Variants in SNX6 observed in about 807,000 individuals in gnomAD.
SNX6 encodes sorting nexin-6.
In SNX6, 34 loss-of-function variants were observed where a neutral mutation model predicts 63.0. The ratio of observed to expected loss-of-function variants is 0.54; its 90% CI spans 0.41 to 0.72. The LOEUF is 0.72. SNX6 is among the 30% of genes least tolerant of loss of function. SNX6 has a pLI of 0.00. For synonymous variants in SNX6, 170 were observed against 164.2 expected (o/e 1.04, Z -0.27); for missense variants, 398 against 471.4 (o/e 0.84, Z 1.44).
At position 34,586,324 on chromosome 14, in the gene SNX6, G is replaced by C. The variant is rs777585307; in HGVS notation, c.719-19C>G. On this transcript the variant is annotated intron_variant, in intron 8 of 13. Transcript: ENST00000362031. ...GCAGCACCTATGGAGAAAGTTTTAA[G>C]AATTTAGTATACCTATTCATAGATT... 1.3e-6 allele frequency: 2 copies of C among 1,505,436 alleles called. No homozygotes were observed. Among genetic ancestry groups the C allele is most frequent in the East Asian group, 2.3e-5 (1 of 44,294 alleles). 93.3% of individuals were successfully genotyped at this position (1,505,436 alleles called of 1,614,324 possible).
chr14:34,617,704 G>A (rs1052465123), intron 2 of SNX6, among the ~76,000 whole-genome samples: 2 of 150,888 alleles, frequency 1.3e-5, no homozygotes, highest in Non-Finnish European at 2.9e-5. Context: ...GGCGGATCAC[G>A]AGGTCAGGGG....
chr14:34,578,908 C>T (rs1156973819), intron 10 of SNX6, among the ~76,000 whole-genome samples: 2 of 115,766 alleles, frequency 1.7e-5, no homozygotes, highest in Non-Finnish European at 3.4e-5. Context: ...CACTGCACTC[C>T]AGCCTGGCGA....
At chr14:34,611,748 CAAAAAAA>C (rs1171892665) in intron 2 of SNX6, among the ~76,000 whole-genome samples, 8 of 107,160 alleles carry the variant, frequency 7.5e-5, no homozygotes, top group Non-Finnish European at 1.5e-4. Context: ...GACACTGTCT[CAAAAAAA>C]AAAAAAAAAA....
At chr14:34,596,739 A>G (rs960867469) in intron 7 of SNX6, among the ~76,000 whole-genome samples, 5 of 151,040 alleles carry the variant, frequency 3.3e-5, no homozygotes, top group African/African-American at 1.2e-4. Context: ...GCTGGAGTGC[A>G]GTGGCAAAAT....
intron 11 of SNX6, among the ~76,000 whole-genome samples, chr14:34,574,205 G>A (rs1242234820): frequency 1.3e-5 from 2 of 150,728 alleles, no homozygotes; most frequent in African/African-American, 4.9e-5. Context: ...GCGCGGTGGC[G>A]GGCACCTGTA....
At chr14:34,577,296 C>T (rs1017450507) in intron 10 of SNX6, among the ~76,000 whole-genome samples, 1 of 151,864 alleles carries the variant, frequency 6.6e-6, no homozygotes, top group African/African-American at 2.4e-5. Flanking sequence ...GTCTTGTTAG[C>T]CAGGCTGGTC....
chr14:34,618,013 G>A (rs1048576438), intron 2 of SNX6, among the ~76,000 whole-genome samples: 3 of 151,938 alleles, frequency 2.0e-5, no homozygotes, highest in Non-Finnish European at 4.4e-5. Flanking sequence ...TCCCTAAGAC[G>A]TCAGTTGTTC....
At chr14:34,571,763 A>G (rs567734610) in intron 11 of SNX6, among the ~76,000 whole-genome samples, 1 of 152,330 alleles carries the variant, frequency 6.6e-6, no homozygotes, top group South Asian at 2.1e-4. Context: ...CAATGTGTTT[A>G]TCTCATCATC....
intron 6 of SNX6, among the ~76,000 whole-genome samples, chr14:34,600,804 G>A (rs1323375878): frequency 6.6e-6 from 1 of 152,048 alleles, no homozygotes; most frequent in African/African-American, 2.4e-5. Flanking sequence ...TTGGGAGGCC[G>A]ACGCAGGCAG....
At chr14:34,626,668 C>G (rs1325282689) in intron 2 of SNX6, among the ~76,000 whole-genome samples, 1 of 126,558 alleles carries the variant, frequency 7.9e-6, no homozygotes. Context: ...GACTCCATTT[C>G]AAAAAAAAAA....
chr14:34,612,237 G>A (rs1244510043), intron 2 of SNX6, among the ~76,000 whole-genome samples: 2 of 152,004 alleles, frequency 1.3e-5, no homozygotes, highest in Non-Finnish European at 2.9e-5. Context: ...CACTGAGCCA[G>A]GCCAGGCCAC....
chr14:34,598,856 C>A (rs528946439), intron 6 of SNX6, among the ~76,000 whole-genome samples: 8 of 152,278 alleles, frequency 5.3e-5, no homozygotes, highest in African/African-American at 1.9e-4. Flanking sequence ...TGAATAGCCA[C>A]TGCATTTCAG....
intron 10 of SNX6, among the ~76,000 whole-genome samples, chr14:34,578,175 G>C (rs1332227880): frequency 6.6e-6 from 1 of 152,098 alleles, no homozygotes; most frequent in African/African-American, 2.4e-5. Context: ...CTGCACTCCA[G>C]CTTGGGTGAC....
intron 1 of SNX6, 24 bp downstream of exon 1, chr14:34,630,087 C>G: frequency 6.9e-7 from 1 of 1,450,612 alleles, no homozygotes; most frequent in Non-Finnish European, 9.0e-7. Context: ...GCTCCCGGGA[C>G]TCGGCGCCGC....
At chr14:34,622,269 G>A (rs1203507809) in intron 2 of SNX6, among the ~76,000 whole-genome samples, 3 of 149,806 alleles carry the variant, frequency 2.0e-5, no homozygotes, top group African/African-American at 7.3e-5. Flanking sequence ...GCCTGGGCAT[G>A]TCTTTCCTAG....
In SNX6 at chr14:34,581,557, T is replaced by A. The variant is rs764855982; in HGVS notation, c.834+4A>T. ...GCAGTATATCTCTATAATTTAGTAC[T>A]TACTCTTGTTTTATCGAACAGTTCT... On this transcript the variant is annotated splice_donor_region_variant and intron_variant, in intron 10 of 13. Transcript: ENST00000362031. The A allele has an allele frequency of 7.0e-7, 1 of 1,437,232 alleles. No homozygotes were observed. The highest frequency in any genetic ancestry group is 9.7e-7 in the Non-Finnish European group (1 of 1,026,256). The allele number at this position is 1,437,232 out of a possible 1,614,324, so 89.0% of individuals were successfully genotyped here. A position where few individuals can be genotyped will look rare whatever the true frequency, so the allele number is the denominator to read the frequency against.
In SNX6 at chr14:34,630,131, G is replaced by C; in HGVS notation, c.-15C>G. 1 of 1,335,332 alleles carries C rather than the reference G, an allele frequency of 7.5e-7. No homozygotes were observed. Among genetic ancestry groups the C allele is most frequent in the Non-Finnish European group, 9.5e-7 (1 of 1,049,068 alleles). 82.7% of individuals were successfully genotyped at this position (1,335,332 alleles called of 1,614,324 possible). The stretch of plus-strand genomic sequence containing the variant: ...CCCACCATCATGGCTGCTCCGAGGC[G>C]AGGGCCGGCGCAGGCGCGCATCTCC... On this transcript the variant is annotated 5_prime_UTR_variant, in exon 1 of 14. Transcript: ENST00000362031.
At chr14:34,583,437 C>CTTTTTCTT (rs368021837) in intron 9 of SNX6, among the ~76,000 whole-genome samples, 1 of 108,030 alleles carries the variant, frequency 9.3e-6, no homozygotes, top group East Asian at 2.1e-4. Context: ...TCATTTTTTT[C>CTTTTTCTT]TTTTTTTTTT....
intron 11 of SNX6, among the ~76,000 whole-genome samples, chr14:34,571,225 A>T (rs1038442514): frequency 5.3e-5 from 8 of 151,458 alleles, no homozygotes; most frequent in Non-Finnish European, 1.2e-4. Context: ...CGAGGTCAGG[A>T]GATCAAGACC....
Sources: allele counts gnomAD v4.1 joint callset (sites outside exome capture counted in the v4.1 genomes callset), GRCh38; gene constraint gnomAD v4.1.1; transcripts MANE v1.5; gene names NCBI Gene and HGNC (gene_info 2026-07-23, HGNC 2026-07-21).